TMCO1: variants seen among roughly 807,000 people sequenced by gnomAD.
The protein encoded by TMCO1 is transmembrane and coiled-coil domains 1.
In TMCO1, 29 loss-of-function variants were observed where a neutral mutation model predicts 29.3. The observed-to-expected ratio is 0.99, with a 90% CI of 0.74 to 1.35. The LOEUF (loss-of-function observed/expected upper bound fraction) is 1.35. TMCO1 is among the 40% of genes most tolerant of loss of function. The pLI, the probability that TMCO1 is intolerant of heterozygous loss-of-function variation, is 0.00. For synonymous variants in TMCO1, 80 were observed against 77.1 expected, an observed-to-expected ratio of 1.04 and a Z score of -0.20; for missense variants, 173 against 225.5, an observed-to-expected ratio of 0.77 and a Z score of 1.49.
At chr1:165,738,294 A>G (rs1460419148) in intron 6 of TMCO1, among the ~76,000 whole-genome samples, 1 of 152,180 alleles carries the variant, frequency 6.6e-6, no homozygotes, top group Non-Finnish European at 1.5e-5. Flanking sequence ...CTCTGTCTCC[A>G]AAACAAACAA....
intron 2 of TMCO1, among the ~76,000 whole-genome samples, chr1:165,763,878 C>T (rs1359631318): frequency 6.6e-6 from 1 of 152,238 alleles, no homozygotes; most frequent in Non-Finnish European, 1.5e-5. Flanking sequence ...CTACCTGCCT[C>T]AGCCTCCCAA....
At chr1:165,752,032 A>T in intron 5 of TMCO1, 70 bp downstream of exon 5, 1 of 1,258,758 alleles carries the variant, frequency 7.9e-7, no homozygotes, top group Non-Finnish European at 1.1e-6. Context: ...TTACCCAAAA[A>T]GTTCATGCTA....
Position 165,727,325 on chromosome 1 carries a change from C to T in TMCO1, c.*698G>A, listed in dbSNP as rs1364114887. On this transcript the variant is annotated 3_prime_UTR_variant, in exon 7 of 7. Coordinates refer to ENST00000367881, the MANE Select transcript of TMCO1 (RefSeq NM_019026.6). ...TTTTTTCAGACATCAGTGTTACTTG[C>T]CAAGACCCTCATTTTTAAACTCCAA... The T allele has an allele frequency of 2.2e-6, 1 of 453,496 alleles. No individual in the cohort carries two copies. The highest frequency in any genetic ancestry group is 2.4e-5 in the Admixed American group (1 of 42,508). The allele number at this position is 453,496 out of a possible 1,614,324, so 28.1% of individuals were successfully genotyped here. A position where few individuals can be genotyped will look rare whatever the true frequency, so the allele number is the denominator to read the frequency against.
At chr1:165,732,402 A>T (rs1170746140) in intron 6 of TMCO1, among the ~76,000 whole-genome samples, 1 of 151,042 alleles carries the variant, frequency 6.6e-6, no homozygotes, top group African/African-American at 2.4e-5. Context: ...AAAAAAAAAA[A>T]AAAGGAATAA....
At chr1:165,728,534 G>A (rs959509485) in intron 6 of TMCO1, among the ~76,000 whole-genome samples, 5 of 152,080 alleles carry the variant, frequency 3.3e-5, no homozygotes, top group Admixed American at 6.6e-5. Flanking sequence ...GGGATTACAG[G>A]AGGGAGTCAC....
At chr1:165,728,956 A>G (rs1434284893) in intron 6 of TMCO1, among the ~76,000 whole-genome samples, 1 of 151,966 alleles carries the variant, frequency 6.6e-6, no homozygotes, top group Non-Finnish European at 1.5e-5. Flanking sequence ...AAATACAAAA[A>G]TTAGCTGGGC....
chr1:165,759,376 T>C (rs987229263), intron 3 of TMCO1, 149 bp downstream of exon 3: 50 of 640,252 alleles, frequency 7.8e-5, no homozygotes, highest in Non-Finnish European at 1.3e-4. Flanking sequence ...TGGGTAAGAA[T>C]CAAGTGAGAT....
intron 5 of TMCO1, among the ~76,000 whole-genome samples, chr1:165,747,714 A>G (rs1019192901): frequency 1.3e-5 from 2 of 152,218 alleles, no homozygotes; most frequent in African/African-American, 2.4e-5. Flanking sequence ...TTGCATGGTG[A>G]TAAGTGTGGA....
downstream of TMCO1, chr1:165,725,736 C>T (rs1010431173): frequency 2.2e-5 from 10 of 454,368 alleles, no homozygotes; most frequent in Admixed American, 2.1e-4. Flanking sequence ...TTTTAAAAAA[C>T]TAATTGTGAG....
In TMCO1 at chr1:165,726,875, C is replaced by G. The variant is rs542495841; in HGVS notation, c.*1148G>C. 8.5e-4 allele frequency: 386 copies of G among 453,994 alleles called. 5 individuals carry two copies. Among genetic ancestry groups the G allele is most frequent in the South Asian group, 5.8e-3 (372 of 64,438 alleles). 28.1% of individuals were successfully genotyped at this position (453,994 alleles called of 1,614,324 possible). ...AAGTTGATACTTATTTTCCTCAGCA[C>G]TTTGAAGATACTTTTCTACTGTCTT... On this transcript the variant is annotated 3_prime_UTR_variant, in exon 7 of 7. Transcript: ENST00000367881.
downstream of TMCO1, chr1:165,725,238 C>T (rs1450653174): frequency 1.3e-5 from 6 of 453,554 alleles, no homozygotes; most frequent in Non-Finnish European, 2.6e-5. Context: ...CTGAAAAAAA[C>T]CTACTCCATC....
At chr1:165,735,015 A>G (rs187164054) in intron 6 of TMCO1, among the ~76,000 whole-genome samples, 1 of 152,184 alleles carries the variant, frequency 6.6e-6, no homozygotes, top group African/African-American at 2.4e-5. Context: ...AGCACATCAA[A>G]TCTGCACTAG....
chr1:165,756,631 G>C (rs1333132948), intron 3 of TMCO1, among the ~76,000 whole-genome samples: 1 of 151,984 alleles, frequency 6.6e-6, no homozygotes, highest in Non-Finnish European at 1.5e-5. Context: ...AAAAAGCAAA[G>C]GACGCTTCCA....
chr1:165,730,326 C>T (rs569401866), intron 6 of TMCO1, among the ~76,000 whole-genome samples: 37 of 146,066 alleles, frequency 2.5e-4, no homozygotes, highest in African/African-American at 9.4e-4. Context: ...GACGGCGAGA[C>T]TCCGTCTCAA....
At chr1:165,726,697 C>G, downstream of TMCO1, 2 of 454,096 alleles carry the variant, frequency 4.4e-6, no homozygotes, top group South Asian at 3.1e-5. Flanking sequence ...TATTTTATTT[C>G]TCTGTTGACC....
intron 6 of TMCO1, among the ~76,000 whole-genome samples, chr1:165,741,943 T>C (rs1322664083): frequency 2.0e-5 from 3 of 152,264 alleles, no homozygotes; most frequent in Non-Finnish European, 4.4e-5. Context: ...GCTAGCATCA[T>C]GCTTCCTGTA....
At chr1:165,733,899 T>A (rs534919047) in intron 6 of TMCO1, among the ~76,000 whole-genome samples, 1 of 152,358 alleles carries the variant, frequency 6.6e-6, no homozygotes, top group Admixed American at 6.5e-5. Flanking sequence ...CTCTTTACCA[T>A]GATTAAGAAC....
chr1:165,730,717 C>G (rs1571208731), intron 6 of TMCO1, among the ~76,000 whole-genome samples: 1 of 152,032 alleles, frequency 6.6e-6, no homozygotes, highest in Non-Finnish European at 1.5e-5. Flanking sequence ...ACCTCAGCCT[C>G]CCGAGGAGCT....
intron 6 of TMCO1, among the ~76,000 whole-genome samples, chr1:165,729,467 C>T (rs901341776): frequency 1.3e-5 from 2 of 152,016 alleles, no homozygotes; most frequent in African/African-American, 4.8e-5. Flanking sequence ...CAGGTGCCTG[C>T]TATCACACCC....
Sources: gnomAD v4.1 joint callset for allele counts (sites outside exome capture counted in the v4.1 genomes callset) on GRCh38, gnomAD v4.1.1 for gene constraint, MANE v1.5 for transcripts, NCBI Gene and HGNC (gene_info 2026-07-23, HGNC 2026-07-21) for gene names.